Variants in PLSCR4 observed in about 807,000 individuals in gnomAD.
PLSCR4 encodes phospholipid scramblase 4.
PLSCR4 carries 25 observed loss-of-function variants against 36.3 expected under a neutral mutation model. The observed-to-expected ratio is 0.69, with a 90% CI of 0.50 to 0.96. The LOEUF is 0.96. Among genes scored for constraint, PLSCR4 ranks in the 40% least tolerant of loss-of-function variants. The pLI is 0.00. For missense variants in PLSCR4, 408 were observed against 414.7 expected, an observed-to-expected ratio of 0.98 and a Z score of 0.14; for synonymous variants, 122 against 132.9, an observed-to-expected ratio of 0.92 and a Z score of 0.56.
intron 1 of PLSCR4, among the ~76,000 whole-genome samples, chr3:146,243,759 C>T (rs74949294): frequency 1.3e-5 from 2 of 152,228 alleles, no homozygotes; most frequent in South Asian, 2.1e-4. Context: ...AATGAGACAG[C>T]GGACTCCAGA....
chr3:146,232,031 T>C (rs1330816108), intron 1 of PLSCR4, among the ~76,000 whole-genome samples: 1 of 152,186 alleles, frequency 6.6e-6, no homozygotes, highest in Non-Finnish European at 1.5e-5. Context: ...TTGATTTTTG[T>C]ATATGATGAA....
intron 1 of PLSCR4, among the ~76,000 whole-genome samples, chr3:146,226,604 T>C (rs4314144): frequency 0.37 from 55,706 of 151,960 alleles, 10,334 homozygotes; most frequent in African/African-American, 0.42. Context: ...GGAAAAAATA[T>C]AGAATTCTGG....
chr3:146,208,834 A>G (rs2034474613), intron 3 of PLSCR4, among the ~76,000 whole-genome samples: 1 of 152,152 alleles, frequency 6.6e-6, no homozygotes. Context: ...TAGTATAGCC[A>G]CTATGGAAAA....
chr3:146,212,706 T>A (rs979949358), intron 3 of PLSCR4, among the ~76,000 whole-genome samples: 1 of 152,156 alleles, frequency 6.6e-6, no homozygotes, highest in Non-Finnish European at 1.5e-5. Flanking sequence ...GAATTTTCTT[T>A]CTTTTTCTTG....
intron 1 of PLSCR4, among the ~76,000 whole-genome samples, chr3:146,226,537 A>T (rs1479437179): frequency 6.6e-6 from 1 of 152,214 alleles, no homozygotes; most frequent in Non-Finnish European, 1.5e-5. Context: ...GCTGAATCTC[A>T]GTGCAGAAAT....
chr3:146,231,549 C>T (rs115989908), intron 1 of PLSCR4, among the ~76,000 whole-genome samples: 2,561 of 152,234 alleles, frequency 0.017, 78 homozygotes, highest in African/African-American at 0.058. Flanking sequence ...TAATAATAGC[C>T]ATTCTGACTG....
intron 1 of PLSCR4, among the ~76,000 whole-genome samples, chr3:146,241,345 C>A (rs932044586): frequency 5.3e-5 from 8 of 152,056 alleles, no homozygotes; most frequent in African/African-American, 1.7e-4. Context: ...TCAACAAAGT[C>A]ATTACAGAGA....
chr3:146,229,311 T>A (rs2035601564), intron 1 of PLSCR4, among the ~76,000 whole-genome samples: 1 of 152,114 alleles, frequency 6.6e-6, no homozygotes, highest in Admixed American at 6.5e-5. Context: ...GAGCTTTGAG[T>A]AACATCATAT....
At chr3:146,245,656 TATA>T (rs1170036325) in intron 1 of PLSCR4, among the ~76,000 whole-genome samples, 4 of 152,080 alleles carry the variant, frequency 2.6e-5, no homozygotes, top group African/African-American at 7.2e-5. Flanking sequence ...TCTGGATAAT[TATA>T]ATGATAGCAA....
At chr3:146,219,362 T>C (rs552245305) in intron 3 of PLSCR4, among the ~76,000 whole-genome samples, 2 of 152,302 alleles carry the variant, frequency 1.3e-5, no homozygotes, top group African/African-American at 4.8e-5. Flanking sequence ...AAATATAAGA[T>C]AGATCTTGTA....
At chr3:146,204,694 A>G (rs1302673456) in intron 4 of PLSCR4, among the ~76,000 whole-genome samples, 2 of 152,004 alleles carry the variant, frequency 1.3e-5, no homozygotes, top group Non-Finnish European at 2.9e-5. Context: ...TTAAGAAACA[A>G]GTTTTTAATA....
intron 8 of PLSCR4, among the ~76,000 whole-genome samples, chr3:146,194,682 G>A (rs1220970041): frequency 6.6e-6 from 1 of 152,044 alleles, no homozygotes; most frequent in African/African-American, 2.4e-5. Context: ...ATTAAAAAGA[G>A]GAAAAACTTC....
intron 1 of PLSCR4, among the ~76,000 whole-genome samples, chr3:146,233,394 TG>T (rs1455675798): frequency 2.0e-5 from 3 of 152,236 alleles, no homozygotes; most frequent in Non-Finnish European, 4.4e-5. Context: ...AACAGATAAC[TG>T]TTGTTACATT....
rs1197954406 is a variant in PLSCR4 at position 146,195,204 on chromosome 3, C to T, written c.865G>A (p.Ala289Thr). The T allele has an allele frequency of 1.9e-6, 3 of 1,612,958 alleles. No individual in the cohort carries two copies. The African/African-American group carries it at 4.0e-5, about 22-fold the overall frequency. Residue 289 changes from alanine to threonine, a missense_variant, in exon 8 of 9, where the codon GCT becomes ACT. Ala to Thr is a moderately conservative substitution (Grantham distance 58). Coordinates refer to ENST00000354952, the MANE Select transcript of PLSCR4 (RefSeq NM_020353.3). ...WNGLLSAMAD[A>T]DHFDIHFPLD... ...GGGAAGTGAATGTCAAAATGGTCAG[C>T]ATCTGCCATTGCTGATAACAAACCA...
intron 4 of PLSCR4, among the ~76,000 whole-genome samples, chr3:146,205,376 G>C (rs564424255): frequency 3.4e-4 from 51 of 151,974 alleles, no homozygotes; most frequent in African/African-American, 1.2e-3. Context: ...ATAGATCTTA[G>C]TAACCTTAGC....
Position 146,214,390 on chromosome 3 carries a change from TG to T in PLSCR4, c.118+6424del, listed in dbSNP as rs1257372312. Among the ~76,000 whole-genome samples the T allele has an allele frequency of 4.1e-4, 4 of 9,678 alleles. 1 individual carries two copies. Among genetic ancestry groups the T allele is most frequent in the Non-Finnish European group, 9.1e-4 (3 of 3,300 alleles). 6.3% of individuals were successfully genotyped at this position (9,678 alleles called of 152,430 possible). A position where few individuals can be genotyped will look rare whatever the true frequency, so the allele number is the denominator to read the frequency against. On this transcript the variant is annotated intron_variant, in intron 3 of 8. Transcript: ENST00000354952. ...CGCCCGCCTTGGCCTCCCAAAGTGC[TG>T]GGATTACAGGCGTGAGCCACCGCGC...
intron 1 of PLSCR4, among the ~76,000 whole-genome samples, chr3:146,245,323 T>C (rs1396806039): frequency 6.6e-6 from 1 of 152,068 alleles, no homozygotes; most frequent in Non-Finnish European, 1.5e-5. Context: ...CATAATACAT[T>C]CAATCAAATG....
intron 3 of PLSCR4, among the ~76,000 whole-genome samples, chr3:146,207,276 T>C (rs1033663896): frequency 6.6e-6 from 1 of 152,166 alleles, no homozygotes; most frequent in South Asian, 2.1e-4. Flanking sequence ...CCCAATCGCT[T>C]GTACATATCT....
At chr3:146,227,484 C>T (rs1344829633) in intron 1 of PLSCR4, among the ~76,000 whole-genome samples, 1 of 152,194 alleles carries the variant, frequency 6.6e-6, no homozygotes, top group Non-Finnish European at 1.5e-5. Flanking sequence ...ACAAGCGCAG[C>T]TGTGTTATAT....
Sources: gnomAD v4.1 joint callset for allele counts (sites outside exome capture counted in the v4.1 genomes callset) on GRCh38, gnomAD v4.1.1 for gene constraint, MANE v1.5 for transcripts, NCBI Gene and HGNC (gene_info 2026-07-23, HGNC 2026-07-21) for gene names.